Variants in IQCM observed in about 807,000 individuals in gnomAD.
IQCM encodes the protein IQ motif containing M, also known as IQ domain-containing protein M.
In IQCM, 45 loss-of-function variants were observed where a neutral mutation model predicts 57.6. That is an observed-to-expected ratio of 0.78 (90% CI 0.62 to 1.00). The LOEUF (loss-of-function observed/expected upper bound fraction) is 1.00, where lower values mean the gene tolerates loss of function less well. Among genes scored for constraint, IQCM ranks in the 50% least tolerant of loss-of-function variants. The pLI is 0.00. For missense variants in IQCM, 468 were observed against 511.6 expected (o/e 0.91, Z 0.82); for synonymous variants, 148 against 158.9 (o/e 0.93, Z 0.51).
At chr4:149,591,444 T>G (rs1753156299) in intron 8 of IQCM, among the ~76,000 whole-genome samples, 1 of 151,832 alleles carries the variant, frequency 6.6e-6, no homozygotes, top group Non-Finnish European at 1.5e-5. Context: ...TACATCCAAA[T>G]GTGGTTAAAG....
At chr4:149,526,575 T>G (rs1191745515) in intron 12 of IQCM, among the ~76,000 whole-genome samples, 1 of 152,116 alleles carries the variant, frequency 6.6e-6, no homozygotes, top group Non-Finnish European at 1.5e-5. Context: ...AAATTTAATC[T>G]AGACAAATGA....
chr4:149,541,536 A>G (rs1233191289), intron 12 of IQCM, among the ~76,000 whole-genome samples: 1 of 152,040 alleles, frequency 6.6e-6, no homozygotes, highest in African/African-American at 2.4e-5. Flanking sequence ...TACACCCACA[A>G]TTTATTATTT....
intron 12 of IQCM, among the ~76,000 whole-genome samples, chr4:149,501,532 G>A (rs1338058304): frequency 6.6e-6 from 1 of 152,022 alleles, no homozygotes; most frequent in Non-Finnish European, 1.5e-5. Context: ...ACTGAAATGA[G>A]CCATAGAATG....
chr4:149,477,590 A>C (rs572419421), intron 12 of IQCM, among the ~76,000 whole-genome samples: 3 of 152,206 alleles, frequency 2.0e-5, no homozygotes, highest in Admixed American at 6.5e-5. Context: ...CATTAAATCA[A>C]ATTGTCCCAT....
chr4:149,392,109 C>T, intron 13 of IQCM, among the ~76,000 whole-genome samples: 1 of 128,350 alleles, frequency 7.8e-6, no homozygotes, highest in East Asian at 2.4e-4. Flanking sequence ...GTCTATTTCT[C>T]CCTTCAATTT....
chr4:149,720,151 C>T (rs1765328462), intron 5 of IQCM, among the ~76,000 whole-genome samples: 1 of 152,144 alleles, frequency 6.6e-6, no homozygotes, highest in African/African-American at 2.4e-5. Flanking sequence ...TTCTAATGTT[C>T]CAAAACATGT....
At chr4:149,649,762 C>T (rs1758986115) in intron 7 of IQCM, among the ~76,000 whole-genome samples, 1 of 152,008 alleles carries the variant, frequency 6.6e-6, no homozygotes, top group South Asian at 2.1e-4. Flanking sequence ...ATTCATCTGT[C>T]CATAAAATAG....
At chr4:149,531,598 G>A (rs1305230676) in intron 12 of IQCM, among the ~76,000 whole-genome samples, 1 of 151,838 alleles carries the variant, frequency 6.6e-6, no homozygotes, top group African/African-American at 2.4e-5. Flanking sequence ...TAATGACCAG[G>A]TGCTTATAGT....
intron 7 of IQCM, among the ~76,000 whole-genome samples, chr4:149,661,072 A>T (rs1202037932): frequency 6.6e-6 from 1 of 152,130 alleles, no homozygotes; most frequent in Non-Finnish European, 1.5e-5. Flanking sequence ...TGAGAGGAAC[A>T]GTTTGGTGTT....
chr4:149,755,977 T>G (rs1768922203), intron 2 of IQCM, among the ~76,000 whole-genome samples: 1 of 152,200 alleles, frequency 6.6e-6, no homozygotes, highest in African/African-American at 2.4e-5. Flanking sequence ...CAGAGTCACA[T>G]AGCAGAATAA....
At chr4:149,766,549 C>A (rs935304239) in intron 2 of IQCM, among the ~76,000 whole-genome samples, 5 of 152,106 alleles carry the variant, frequency 3.3e-5, no homozygotes, top group Non-Finnish European at 7.4e-5. Flanking sequence ...ACTCTCCAGT[C>A]CTTCCTCAGA....
intron 7 of IQCM, among the ~76,000 whole-genome samples, chr4:149,648,450 C>T (rs2150128665): frequency 6.6e-6 from 1 of 152,248 alleles, no homozygotes; most frequent in South Asian, 2.1e-4. Context: ...TATCGTTGGA[C>T]ATTTGGGTTG....
intron 13 of IQCM, among the ~76,000 whole-genome samples, chr4:149,391,826 G>C (rs528584014): frequency 1.5e-3 from 232 of 151,850 alleles, no homozygotes; most frequent in African/African-American, 5.3e-3. Context: ...ATTACATTTT[G>C]GTCAAATAAC....
intron 13 of IQCM, among the ~76,000 whole-genome samples, chr4:149,368,651 A>ACGTG: frequency 6.7e-6 from 1 of 150,006 alleles, no homozygotes; most frequent in Non-Finnish European, 1.5e-5. Context: ...ATTCCTCATC[A>ACGTG]TATTTCTTTT....
At chr4:149,602,035 C>CAAAA (rs1236897737) in intron 8 of IQCM, among the ~76,000 whole-genome samples, 32 of 35,152 alleles carry the variant, frequency 9.1e-4, no homozygotes, top group South Asian at 1.7e-3. Context: ...GCCTGGGCGA[C>CAAAA]AAAAAAAAAA....
At chr4:149,361,709 G>C (rs111349988) in intron 13 of IQCM, among the ~76,000 whole-genome samples, 12 of 152,316 alleles carry the variant, frequency 7.9e-5, no homozygotes, top group African/African-American at 2.9e-4. Context: ...GAAATGCCTA[G>C]AAGCCCAGAC....
At chr4:149,565,591 A>G (rs1750546384) in intron 9 of IQCM, among the ~76,000 whole-genome samples, 1 of 152,156 alleles carries the variant, frequency 6.6e-6, no homozygotes. Flanking sequence ...ACCCACTAGA[A>G]TGGAGATCAG....
intron 7 of IQCM, among the ~76,000 whole-genome samples, chr4:149,642,368 C>T (rs1409524912): frequency 2.0e-5 from 3 of 151,916 alleles, no homozygotes; most frequent in Non-Finnish European, 2.9e-5. Flanking sequence ...AATGAGAGGT[C>T]GTAAAATAAA....
intron 12 of IQCM, among the ~76,000 whole-genome samples, chr4:149,457,558 G>A (rs1737828472): frequency 6.6e-6 from 1 of 151,626 alleles, no homozygotes; most frequent in South Asian, 2.1e-4. Flanking sequence ...TCAGTTTTAG[G>A]TTTTGTTTTT....
Sources: gnomAD v4.1 joint callset for allele counts (sites outside exome capture counted in the v4.1 genomes callset) on GRCh38, gnomAD v4.1.1 for gene constraint, MANE v1.5 for transcripts, NCBI Gene and HGNC (gene_info 2026-07-23, HGNC 2026-07-21) for gene names.